TSPAN18: variants seen among roughly 807,000 people sequenced by gnomAD.
The protein encoded by TSPAN18 is tetraspanin-18.
Under a neutral mutation model 27.3 loss-of-function variants are expected in TSPAN18, and 14 were observed. That is an observed-to-expected ratio of 0.51 (90% CI 0.34 to 0.80). The LOEUF (loss-of-function observed/expected upper bound fraction) is 0.80. TSPAN18 is among the 30% of genes least tolerant of loss of function. The pLI is 0.01. For missense variants in TSPAN18, 268 were observed against 323.9 expected, an observed-to-expected ratio of 0.83 and a Z score of 1.32; for synonymous variants, 143 against 136.5, an observed-to-expected ratio of 1.05 and a Z score of -0.33.
At chr11:44,926,307 G>A (rs1860352023) in intron 8 of TSPAN18, 1 of 205,388 alleles carries the variant, frequency 4.9e-6, no homozygotes, top group African/African-American at 2.3e-5. Flanking sequence ...CTGCTGATGT[G>A]AAAAGGAATA....
At chr11:44,751,742 C>A (rs565760007) in intron 1 of TSPAN18, among the ~76,000 whole-genome samples, 1 of 151,972 alleles carries the variant, frequency 6.6e-6, no homozygotes, top group African/African-American at 2.4e-5. Flanking sequence ...GCCTGGCCAA[C>A]GTGGTAAAGC....
chr11:44,736,821 A>C (rs1854807237), intron 1 of TSPAN18: 1 of 152,210 alleles, frequency 6.6e-6, no homozygotes, highest in South Asian at 2.1e-4. Flanking sequence ...AAATCACTTA[A>C]ATTCTCTCTG....
chr11:44,791,896 A>G (rs546580251), intron 2 of TSPAN18, among the ~76,000 whole-genome samples: 249 of 152,322 alleles, frequency 1.6e-3, no homozygotes, highest in African/African-American at 5.3e-3. Context: ...ATGGGTTGCC[A>G]GCAGTAAATT....
intron 1 of TSPAN18, among the ~76,000 whole-genome samples, chr11:44,753,131 A>G (rs1234988113): frequency 2.0e-5 from 3 of 151,784 alleles, no homozygotes; most frequent in Non-Finnish European, 4.4e-5. Context: ...TAGCGCATCC[A>G]TTTTCTTTTC....
chr11:44,730,253 T>TA (rs1854619515), intron 1 of TSPAN18, among the ~76,000 whole-genome samples: 1 of 152,218 alleles, frequency 6.6e-6, no homozygotes, highest in African/African-American at 2.4e-5. Flanking sequence ...AACCAGTCCC[T>TA]GCTGGGAGCC....
At chr11:44,726,522 C>T (rs1270270990), upstream of TSPAN18, 1 of 152,160 alleles carries the variant, frequency 6.6e-6, no homozygotes, top group Non-Finnish European at 1.5e-5. Flanking sequence ...AGGTACTTCC[C>T]CCGGCAGCGG....
intron 3 of TSPAN18, among the ~76,000 whole-genome samples, chr11:44,884,914 C>G (rs931295916): frequency 2.6e-5 from 4 of 152,194 alleles, no homozygotes; most frequent in Non-Finnish European, 5.9e-5. Flanking sequence ...AGCCCAAAGT[C>G]ACTCCCTCAA....
intron 3 of TSPAN18, among the ~76,000 whole-genome samples, chr11:44,885,635 T>A (rs1345712733): frequency 2.0e-5 from 3 of 152,180 alleles, no homozygotes; most frequent in African/African-American, 7.2e-5. Context: ...GGGATGTTTT[T>A]TATGGGGAGG....
intron 2 of TSPAN18, among the ~76,000 whole-genome samples, chr11:44,801,795 T>A (rs772033653): frequency 7.9e-5 from 12 of 152,098 alleles, no homozygotes; most frequent in Non-Finnish European, 1.5e-4. Flanking sequence ...ACTTTGGGAC[T>A]CCGAGGTGGG....
At chr11:44,811,125 A>AAC (rs61153202) in intron 2 of TSPAN18, among the ~76,000 whole-genome samples, 8,192 of 142,332 alleles carry the variant, frequency 0.058, 271 homozygotes, top group African/African-American at 0.096. Flanking sequence ...CTGGAGTTTT[A>AAC]ACACACACAC....
chr11:44,816,545 A>T (rs531713439), intron 2 of TSPAN18, among the ~76,000 whole-genome samples: 283 of 151,608 alleles, frequency 1.9e-3, no homozygotes, highest in Non-Finnish European at 3.1e-3. Flanking sequence ...CAACCCTGGG[A>T]GAGGATCTTA....
At chr11:44,854,112 T>G (rs1857669865) in intron 2 of TSPAN18, among the ~76,000 whole-genome samples, 1 of 147,444 alleles carries the variant, frequency 6.8e-6, no homozygotes. Context: ...GATAATCGTG[T>G]GCAGCCTGAG....
In TSPAN18 at chr11:44,930,773, G is replaced by C; in HGVS notation, c.*1595G>C. ...TGATGAGTGATGTCTGCCAGGCACC[G>C]TAAGTTTGATTAGTGATGTCTGCCA... On this transcript the variant is annotated 3_prime_UTR_variant, in exon 10 of 10. Coordinates refer to ENST00000520358, the MANE Select transcript of TSPAN18 (RefSeq NM_130783.5). The C allele has an allele frequency of 2.2e-6, 1 of 457,010 alleles. No homozygotes were observed. Among genetic ancestry groups the C allele is most frequent in the Non-Finnish European group, 4.5e-6 (1 of 221,634 alleles). The allele number at this position is 457,010 out of a possible 1,614,324, so 28.3% of individuals were successfully genotyped here.
At chr11:44,874,306 A>G (rs1858272321) in intron 3 of TSPAN18, among the ~76,000 whole-genome samples, 1 of 152,148 alleles carries the variant, frequency 6.6e-6, no homozygotes, top group African/African-American at 2.4e-5. Flanking sequence ...GTGGGTCTCA[A>G]GTGGAGGGCC....
At chr11:44,793,897 C>T (rs1392495160) in intron 2 of TSPAN18, among the ~76,000 whole-genome samples, 1 of 152,144 alleles carries the variant, frequency 6.6e-6, no homozygotes, top group African/African-American at 2.4e-5. Flanking sequence ...CAGTGCATCT[C>T]ACAAGGGATG....
At chr11:44,886,330 C>G (rs1163298029) in intron 3 of TSPAN18, 4 of 152,224 alleles carry the variant, frequency 2.6e-5, no homozygotes, top group Admixed American at 2.6e-4. Flanking sequence ...ATTGATGGGA[C>G]ATTGATGGCA....
chr11:44,898,004 G>A (rs909966450), intron 3 of TSPAN18, among the ~76,000 whole-genome samples: 3 of 152,084 alleles, frequency 2.0e-5, no homozygotes, highest in African/African-American at 7.2e-5. Flanking sequence ...TGACTCCACT[G>A]TCTCTTTTTG....
At chr11:44,875,416 C>T (rs569604357) in intron 3 of TSPAN18, among the ~76,000 whole-genome samples, 13 of 152,312 alleles carry the variant, frequency 8.5e-5, no homozygotes, top group African/African-American at 2.9e-4. Flanking sequence ...CTTGGGGCTT[C>T]GGAGGCTAGG....
At chr11:44,918,947 C>G (rs1860018336) in intron 6 of TSPAN18, among the ~76,000 whole-genome samples, 1 of 151,932 alleles carries the variant, frequency 6.6e-6, no homozygotes, top group South Asian at 2.1e-4. Flanking sequence ...TCCCTCTGGG[C>G]AGAGCTGCAG....
Sources: gnomAD v4.1 joint callset for allele counts (sites outside exome capture counted in the v4.1 genomes callset) on GRCh38, gnomAD v4.1.1 for gene constraint, MANE v1.5 for transcripts, NCBI Gene and HGNC (gene_info 2026-07-23, HGNC 2026-07-21) for gene names.